NFATC1: variants seen among roughly 807,000 people sequenced by gnomAD.
NFATC1 encodes the protein nuclear factor of activated T cells 1.
Under a neutral mutation model 76.0 loss-of-function variants are expected in NFATC1, and 22 were observed. The observed-to-expected ratio is 0.29, with a 90% CI of 0.21 to 0.41. The LOEUF (loss-of-function observed/expected upper bound fraction) is 0.41, where lower values mean the gene tolerates loss of function less well. Among genes scored for constraint, NFATC1 ranks in the 10% least tolerant of loss-of-function variants. The pLI, the probability that NFATC1 is intolerant of heterozygous loss-of-function variation, is 1.00. For missense variants in NFATC1, 1,357 were observed against 1,337.7 expected, an observed-to-expected ratio of 1.01 and a Z score of -0.23; for synonymous variants, 704 against 613.1, an observed-to-expected ratio of 1.15 and a Z score of -2.19.
rs375709178 is a variant in NFATC1 at position 79,465,357 on chromosome 18, C to G, written c.1960-2093C>G. ...AGGACTTAGGAAAACTGGCATGCAC[C>G]GTCCAGCATGCCCCACAGGGTCCCA... On this transcript the variant is annotated intron_variant, in intron 7 of 9. Coordinates refer to ENST00000427363, the MANE Select transcript of NFATC1 (RefSeq NM_001278669.2). The surrounding 1 kb of genome is among the most constrained non-coding windows in gnomAD (Gnocchi z 4.2). Among the ~76,000 whole-genome samples the G allele has an allele frequency of 2.2e-4, 34 of 152,350 alleles. No individual in the cohort carries two copies. The East Asian group carries it at 5.4e-3, about 24-fold the overall frequency.
intron 9 of NFATC1, among the ~76,000 whole-genome samples, chr18:79,526,350 A>C (rs1453099351): frequency 6.6e-6 from 1 of 152,242 alleles, no homozygotes; most frequent in Non-Finnish European, 1.5e-5. Context: ...CCTGTGGCTG[A>C]GTGCCAGGTC....
chr18:79,402,167 G>A (rs2085288646), intron 1 of NFATC1, among the ~76,000 whole-genome samples: 1 of 152,260 alleles, frequency 6.6e-6, no homozygotes, highest in African/African-American at 2.4e-5. Flanking sequence ...ACCGCCGGCG[G>A]CGGCATCCTC....
At chr18:79,468,027 G>A (rs1054768661) in intron 8 of NFATC1, 4 of 983,274 alleles carry the variant, frequency 4.1e-6, no homozygotes, top group Non-Finnish European at 4.8e-6. Context: ...TTTAAGGATG[G>A]TGAATGAGCT....
In NFATC1 at chr18:79,524,609, T is replaced by G. The variant is rs977280072; in HGVS notation, c.2783-2919T>G. Among the ~76,000 whole-genome samples the G allele has an allele frequency of 2.6e-5, 4 of 152,152 alleles. No homozygotes were observed. The highest frequency in any genetic ancestry group is 5.9e-5 in the Non-Finnish European group (4 of 67,996). On this transcript the variant is annotated intron_variant, in intron 9 of 9. Coordinates refer to ENST00000427363, the MANE Select transcript of NFATC1 (RefSeq NM_001278669.2). This position sits in a 1 kb window ranked among gnomAD's most constrained non-coding sequence, Gnocchi z 7.2. The stretch of plus-strand genomic sequence containing the variant: ...CAGCCCGCAGGAGTGAGGTGCAGGC[T>G]GCCGCTGGCTCCTTAGGCCTCGACA...
intron 9 of NFATC1, among the ~76,000 whole-genome samples, chr18:79,514,344 G>C (rs367836023): frequency 6.6e-6 from 1 of 151,922 alleles, no homozygotes; most frequent in African/African-American, 2.4e-5. Flanking sequence ...AGAGGCTGAC[G>C]TGGGAAGATC....
intron 8 of NFATC1, among the ~76,000 whole-genome samples, chr18:79,477,690 T>C (rs1283311902): frequency 6.6e-6 from 1 of 152,126 alleles, no homozygotes; most frequent in African/African-American, 2.4e-5. Context: ...GGGGCTTCCA[T>C]AGTGGAGCAC....
intron 9 of NFATC1, among the ~76,000 whole-genome samples, chr18:79,513,595 C>T (rs1033211247): frequency 2.0e-5 from 3 of 152,230 alleles, no homozygotes; most frequent in Middle Eastern, 3.2e-3. Flanking sequence ...GCGTGGACGT[C>T]GTCTTTCGTG....
At chr18:79,436,156 G>A (rs895331408) in intron 3 of NFATC1, among the ~76,000 whole-genome samples, 3 of 152,184 alleles carry the variant, frequency 2.0e-5, no homozygotes, top group East Asian at 1.9e-4. Flanking sequence ...ACGTGCCCTC[G>A]GTGCCGTCGG....
intron 9 of NFATC1, among the ~76,000 whole-genome samples, chr18:79,489,204 C>T (rs1283871738): frequency 6.6e-6 from 1 of 152,250 alleles, no homozygotes. Flanking sequence ...TCGCTGAGTG[C>T]ACAGGCTAGG....
intron 9 of NFATC1, among the ~76,000 whole-genome samples, chr18:79,509,583 G>C (rs2090196389): frequency 6.6e-6 from 1 of 152,260 alleles, no homozygotes; most frequent in African/African-American, 2.4e-5. Flanking sequence ...TCCCAGGAGG[G>C]TCTCAAAGAG....
intron 1 of NFATC1, among the ~76,000 whole-genome samples, chr18:79,405,337 G>A (rs932537790): frequency 3.3e-5 from 5 of 152,242 alleles, no homozygotes; most frequent in African/African-American, 9.6e-5. Flanking sequence ...CCTCCGACAC[G>A]GCAGCCAGGG....
At chr18:79,400,530 G>T (rs1416836801) in intron 1 of NFATC1, 1 of 1,334,462 alleles carries the variant, frequency 7.5e-7, no homozygotes, top group South Asian at 1.9e-5. Context: ...TCGGGGTTTG[G>T]GGGCGCCCAG....
chr18:79,409,167 A>G (rs189060106), intron 1 of NFATC1, among the ~76,000 whole-genome samples: 9 of 79,850 alleles, frequency 1.1e-4, no homozygotes, highest in African/African-American at 2.5e-4. Context: ...TCTATCCATC[A>G]TCATCCATCC....
chr18:79,438,302 G>A (rs949263836), intron 3 of NFATC1, among the ~76,000 whole-genome samples: 7 of 152,206 alleles, frequency 4.6e-5, no homozygotes, highest in African/African-American at 9.6e-5. Context: ...TCCACTGCTC[G>A]TGGCAGCTAC....
rs941914697 is a variant in NFATC1, at chr18:79,524,245, G to C, written c.2783-3283G>C. 6.6e-6 allele frequency among the ~76,000 whole-genome samples: 1 copy of C among 152,320 alleles called. No homozygotes were observed. Among genetic ancestry groups the C allele is most frequent in the African/African-American group, 2.4e-5 (1 of 41,580 alleles). Reference sequence around the variant, plus strand: ...CTCAGACCAACCCCAGGATGGGCCCGTTGTCCACCTGTGAAAGGGGAAGCC... The same window carrying C: ...CTCAGACCAACCCCAGGATGGGCCCCTTGTCCACCTGTGAAAGGGGAAGCC... On this transcript the variant is annotated intron_variant, in intron 9 of 9. Transcript: ENST00000427363. This position sits in a 1 kb window ranked among gnomAD's most constrained non-coding sequence, Gnocchi z 7.2.
In NFATC1 at chr18:79,465,586, C is replaced by T. The variant is rs1303714901; in HGVS notation, c.1960-1864C>T. On this transcript the variant is annotated intron_variant, in intron 7 of 9. Transcript: ENST00000427363. The surrounding 1 kb of genome is among the most constrained non-coding windows in gnomAD (Gnocchi z 4.2). ...CCAGCCTGTCCCGTGGGGTCCCCGCCTCCCCACTCCTCGCTGCTGCCTGTG... is the reference window on the plus strand; with the variant it reads ...CCAGCCTGTCCCGTGGGGTCCCCGCTTCCCCACTCCTCGCTGCTGCCTGTG... Among the ~76,000 whole-genome samples the T allele has an allele frequency of 1.3e-5, 2 of 152,242 alleles. No individual in the cohort carries two copies. Among genetic ancestry groups the T allele is most frequent in the Admixed American group, 6.5e-5 (1 of 15,290 alleles).
chr18:79,486,975 G>T, intron 9 of NFATC1, 38 bp downstream of exon 9: 4 of 1,551,038 alleles, frequency 2.6e-6, no homozygotes, highest in Non-Finnish European at 3.5e-6. Flanking sequence ...TGCCCCGCCT[G>T]GCGCCATGGC....
Position 79,396,194 on chromosome 18 carries a change from C to A in NFATC1, c.-31C>A, listed in dbSNP as rs527278438. 214 of 1,454,520 alleles carry A rather than the reference C, an allele frequency of 1.5e-4. 2 individuals are homozygous for A. The South Asian group carries it at 2.6e-3, about 17-fold the overall frequency. 90.1% of individuals were successfully genotyped at this position (1,454,520 alleles called of 1,614,324 possible). ...CGGCCGCTTCTCCTGTGCCTCCGCC[C>A]GCCGCTCCACTCCCCGCCGCCGCCG... On this transcript the variant is annotated 5_prime_UTR_variant, in exon 1 of 10. Transcript: ENST00000427363.
chr18:79,404,700 T>A (rs1416147399), intron 1 of NFATC1, among the ~76,000 whole-genome samples: 2 of 152,182 alleles, frequency 1.3e-5, no homozygotes, highest in Non-Finnish European at 2.9e-5. Context: ...TGGCTGTGGC[T>A]GGAGTTGGTG....
Sources: gnomAD v4.1 joint callset for allele counts (sites outside exome capture counted in the v4.1 genomes callset) on GRCh38, gnomAD v4.1.1 for gene constraint, Gnocchi (gnomAD v3.1) non-coding constraint, MANE v1.5 for transcripts, NCBI Gene and HGNC (gene_info 2026-07-23, HGNC 2026-07-21) for gene names.